CMSS1: variants seen among roughly 807,000 people sequenced by gnomAD.
CMSS1 encodes protein CMSS1.
A neutral mutation model predicts 43.5 loss-of-function variants in CMSS1; 33 were observed. The ratio of observed to expected loss-of-function variants is 0.76; its 90% CI spans 0.57 to 1.01. The LOEUF is 1.01. CMSS1 is among the 50% of genes least tolerant of loss of function. CMSS1 has a pLI of 0.00. For synonymous variants in CMSS1, 115 were observed against 117.2 expected (o/e 0.98, Z 0.12); for missense variants, 313 against 326.4 (o/e 0.96, Z 0.32).
intron 1 of CMSS1, among the ~76,000 whole-genome samples, chr3:100,049,443 T>C (rs1186011154): frequency 6.6e-6 from 1 of 152,194 alleles, no homozygotes; most frequent in African/African-American, 2.4e-5. Flanking sequence ...CACTAGAGTG[T>C]CATATTTTTA....
chr3:100,040,732 G>A (rs1348298373), intron 1 of CMSS1: 1 of 152,216 alleles, frequency 6.6e-6, no homozygotes, highest in East Asian at 1.9e-4. Context: ...CCAAGAGGTT[G>A]TGACATTTTG....
At chr3:100,054,408 C>G (rs762183116) in intron 1 of CMSS1, among the ~76,000 whole-genome samples, 16 of 152,158 alleles carry the variant, frequency 1.1e-4, no homozygotes, top group Admixed American at 3.9e-4. Flanking sequence ...TGGGGAGTGG[C>G]TGTCCCGTCA....
chr3:100,008,736 C>G (rs1240043073), intron 1 of CMSS1, among the ~76,000 whole-genome samples: 8 of 152,212 alleles, frequency 5.3e-5, no homozygotes, highest in Admixed American at 5.2e-4. Context: ...GCTTCTCTTA[C>G]TGTTATAAAC....
chr3:99,856,379 C>A (rs908560509), intron 1 of CMSS1, among the ~76,000 whole-genome samples: 1 of 152,122 alleles, frequency 6.6e-6, no homozygotes, highest in East Asian at 1.9e-4. Flanking sequence ...CTTTATGTAC[C>A]CTCAGGGGTA....
intron 1 of CMSS1, among the ~76,000 whole-genome samples, chr3:100,092,711 G>A (rs1433877137): frequency 6.7e-6 from 1 of 148,648 alleles, no homozygotes; most frequent in African/African-American, 2.5e-5. Context: ...TCTCCCTTTA[G>A]AGAAAAAAAT....
rs759137088 is a variant in CMSS1 at position 100,171,211 on chromosome 3, C to T, written c.519-628C>T. On this transcript the variant is annotated intron_variant, in intron 6 of 9. Transcript: ENST00000421999. The stretch of plus-strand genomic sequence containing the variant: ...CTTTTTTTCCTTCCTTCTTTGCTTC[C>T]TCTTTCCCTTCCTTCCTTCCTTCTT... Among the ~76,000 whole-genome samples, 79 of 152,062 alleles carry T rather than the reference C, an allele frequency of 5.2e-4. 2 individuals are homozygous for T. Among genetic ancestry groups the T allele is most frequent in the Non-Finnish European group, 5.6e-4 (38 of 67,996 alleles).
At chr3:100,032,453 G>A (rs2107264266) in intron 1 of CMSS1, among the ~76,000 whole-genome samples, 1 of 152,302 alleles carries the variant, frequency 6.6e-6, no homozygotes, top group South Asian at 2.1e-4. Context: ...ATTCGGAATG[G>A]CAGCTGGTGG....
At chr3:100,069,427 G>C (rs2107367781) in intron 1 of CMSS1, among the ~76,000 whole-genome samples, 1 of 152,214 alleles carries the variant, frequency 6.6e-6, no homozygotes, top group East Asian at 1.9e-4. Context: ...TTCTAAGCAG[G>C]CAAGTGGTTA....
rs566817716 is a variant in CMSS1 at position 100,171,863 on chromosome 3, C to A, written c.543C>A (p.Asp181Glu). ...GGTCGATGACAGCATTCAGAGGAGA[C>A]GGCAAAGTTATAAAATTATTTGCAA... is the stretch of plus-strand genomic sequence containing the variant. ...LIRSMTAFRG[D>E]GKVIKLFAKH... The change falls in exon 7 of 10, where the codon GAC (aspartate) becomes GAA (glutamate). Residue 181 changes from aspartate (D) to glutamate (E), a missense_variant. Coordinates refer to ENST00000421999, the MANE Select transcript of CMSS1 (RefSeq NM_032359.4). 7 of 1,613,730 alleles carry A rather than the reference C, an allele frequency of 4.3e-6. No individual in the cohort carries two copies. Among genetic ancestry groups the A allele is most frequent in the Middle Eastern group, 3.3e-4 (2 of 6,078 alleles).
At chr3:99,836,211 G>A (rs1312502337) in intron 1 of CMSS1, among the ~76,000 whole-genome samples, 1 of 152,126 alleles carries the variant, frequency 6.6e-6, no homozygotes, top group Admixed American at 6.6e-5. Flanking sequence ...TTCTGGGCTT[G>A]GGGAGTAGTA....
chr3:100,127,513 C>T (rs917519838), intron 1 of CMSS1, among the ~76,000 whole-genome samples: 3 of 152,208 alleles, frequency 2.0e-5, no homozygotes, highest in African/African-American at 7.2e-5. Context: ...GCCAGGAAAT[C>T]CTGTTTACCT....
intron 1 of CMSS1, among the ~76,000 whole-genome samples, chr3:99,867,848 GATTT>G (rs1944597379): frequency 6.6e-6 from 1 of 152,134 alleles, no homozygotes; most frequent in Non-Finnish European, 1.5e-5. Context: ...ATGGGATTCA[GATTT>G]ATTTGAGTCT....
At chr3:99,917,473 C>T (rs557973380) in intron 1 of CMSS1, among the ~76,000 whole-genome samples, 18 of 152,302 alleles carry the variant, frequency 1.2e-4, no homozygotes, top group African/African-American at 4.3e-4. Context: ...TCTACTCTGA[C>T]TCTGCAACTA....
intron 1 of CMSS1, among the ~76,000 whole-genome samples, chr3:100,088,905 T>A (rs1194257888): frequency 6.6e-6 from 1 of 152,204 alleles, no homozygotes; most frequent in Non-Finnish European, 1.5e-5. Flanking sequence ...TTTGTTATGT[T>A]TATTTTTTGT....
chr3:99,897,591 G>A (rs145491312), intron 1 of CMSS1, among the ~76,000 whole-genome samples: 1 of 152,280 alleles, frequency 6.6e-6, no homozygotes, highest in Non-Finnish European at 1.5e-5. Context: ...ACAATGGGAT[G>A]CCTTATGATG....
At chr3:99,818,121 C>A (rs949458977) in intron 1 of CMSS1, 78 bp downstream of exon 1, 2 of 1,419,608 alleles carry the variant, frequency 1.4e-6, no homozygotes, top group African/African-American at 1.4e-5. Context: ...TCGCTTCTGG[C>A]GATCGCGGTG....
intron 1 of CMSS1, among the ~76,000 whole-genome samples, chr3:99,897,786 A>T (rs2107622136): frequency 6.6e-6 from 1 of 152,340 alleles, no homozygotes; most frequent in East Asian, 1.9e-4. Flanking sequence ...GATGATGGTG[A>T]TCATAGAGGG....
intron 2 of CMSS1, among the ~76,000 whole-genome samples, chr3:100,153,589 C>G (rs1233891564): frequency 6.6e-6 from 1 of 151,248 alleles, no homozygotes; most frequent in Non-Finnish European, 1.5e-5. Flanking sequence ...GTGCATATCC[C>G]TGGTGTCTCT....
intron 1 of CMSS1, among the ~76,000 whole-genome samples, chr3:99,972,761 A>G (rs917657264): frequency 3.9e-5 from 6 of 152,222 alleles, no homozygotes; most frequent in Admixed American, 2.6e-4. Context: ...GAAGACATTT[A>G]GATTAACTGG....
Sources: allele counts gnomAD v4.1 joint callset (sites outside exome capture counted in the v4.1 genomes callset), GRCh38; gene constraint gnomAD v4.1.1; transcripts MANE v1.5; gene names NCBI Gene and HGNC (gene_info 2026-07-23, HGNC 2026-07-21).